The following TBPL1 variants were observed in gnomAD, a reference collection of about 807,000 sequenced individuals.
The protein encoded by TBPL1 is TATA box-binding protein-like 1.
Under a neutral mutation model 22.1 loss-of-function variants are expected in TBPL1, and 4 were observed. That is an observed-to-expected ratio of 0.18 (90% CI 0.09 to 0.41). The LOEUF is 0.41. TBPL1 is among the 10% of genes least tolerant of loss of function. The probability of loss-of-function intolerance (pLI) is 1.00; values close to 1 mark genes in which losing one functional copy is unlikely to be tolerated. For synonymous variants in TBPL1, 64 were observed against 71.0 expected (o/e 0.90, Z 0.50); for missense variants, 115 against 222.3 (o/e 0.52, Z 3.07).
At chr6:133,985,788 T>C (rs1776508572) in intron 6 of TBPL1, 1 of 152,170 alleles carries the variant, frequency 6.6e-6, no homozygotes, top group South Asian at 2.1e-4. Flanking sequence ...GGTTTTTCCA[T>C]CTTCCTTGGG....
In TBPL1 at chr6:133,987,176, C is replaced by T. The variant is rs1776542746; in HGVS notation, c.*136C>T. The T allele has an allele frequency of 2.0e-6, 1 of 502,218 alleles. No individual in the cohort carries two copies. The highest frequency in any genetic ancestry group is 3.4e-6 in the Non-Finnish European group (1 of 293,042). The allele number at this position is 502,218 out of a possible 1,614,324, so 31.1% of individuals were successfully genotyped here. A position where few individuals can be genotyped will look rare whatever the true frequency, so the allele number is the denominator to read the frequency against. ...TTCATTCACGGCTACAGTGTAAGCT[C>T]CAGTCCCTTTGGATTTTATTCCAAA... On this transcript the variant is annotated 3_prime_UTR_variant, in exon 7 of 7. Coordinates refer to ENST00000237264, the MANE Select transcript of TBPL1 (RefSeq NM_004865.4).
chr6:133,964,986 T>G (rs1164395924), intron 1 of TBPL1, among the ~76,000 whole-genome samples: 1 of 152,230 alleles, frequency 6.6e-6, no homozygotes, highest in African/African-American at 2.4e-5. Flanking sequence ...GCTTCAAGTT[T>G]GAGCCCTGCA....
At chr6:133,954,936 A>G (rs146782374) in intron 1 of TBPL1, among the ~76,000 whole-genome samples, 1 of 152,232 alleles carries the variant, frequency 6.6e-6, no homozygotes, top group Non-Finnish European at 1.5e-5. Context: ...AGCTTTTAAT[A>G]TGGAATTGAG....
At chr6:133,982,395 T>C (rs1219926969) in intron 2 of TBPL1, among the ~76,000 whole-genome samples, 173 bp from the exon 3 acceptor site, 1 of 152,264 alleles carries the variant, frequency 6.6e-6, no homozygotes, top group Non-Finnish European at 1.5e-5. Flanking sequence ...TGGATTAATA[T>C]GTTCTTTGTG....
intron 1 of TBPL1, among the ~76,000 whole-genome samples, chr6:133,971,892 CT>C (rs1776228764): frequency 6.6e-6 from 1 of 152,034 alleles, no homozygotes; most frequent in South Asian, 2.1e-4. Flanking sequence ...GCTTTTCACC[CT>C]GTTAATAGTT....
At chr6:133,969,251 CTTTTTTTTTTTT>C (rs536421364) in intron 1 of TBPL1, among the ~76,000 whole-genome samples, 1 of 122,608 alleles carries the variant, frequency 8.2e-6, no homozygotes, top group African/African-American at 3.1e-5. Context: ...ATAAAATACA[CTTTTTTTTTTTT>C]TTTTTTTTTT....
rs946007830 is a variant in TBPL1, at chr6:133,988,211, A to G, written c.*1171A>G. On this transcript the variant is annotated 3_prime_UTR_variant, in exon 7 of 7. Transcript: ENST00000237264. ...TATTTAATGGAGTTAAAGAGTGACT[A>G]TTCAGTATATGAGATTGCTACTCTT... 1 of 152,198 alleles carries G rather than the reference A, an allele frequency of 6.6e-6. No individual in the cohort carries two copies. Among genetic ancestry groups the G allele is most frequent in the African/African-American group, 2.4e-5 (1 of 41,456 alleles). 9.4% of individuals were successfully genotyped at this position (152,198 alleles called of 1,614,324 possible). A position where few individuals can be genotyped will look rare whatever the true frequency, so the allele number is the denominator to read the frequency against.
chr6:133,986,246 A>G (rs926368796), intron 6 of TBPL1, among the ~76,000 whole-genome samples: 2 of 152,154 alleles, frequency 1.3e-5, no homozygotes, highest in Non-Finnish European at 2.9e-5. Context: ...AAAAGAGGTT[A>G]AGTGTGTATT....
chr6:133,984,524 A>T, intron 5 of TBPL1, 45 bp downstream of exon 5: 1 of 1,610,082 alleles, frequency 6.2e-7, no homozygotes, highest in South Asian at 1.1e-5. Flanking sequence ...CCAAATTTGA[A>T]ATTACTAGTC....
chr6:133,965,989 T>A (rs1300702079), intron 1 of TBPL1, among the ~76,000 whole-genome samples: 1 of 152,200 alleles, frequency 6.6e-6, no homozygotes, highest in Non-Finnish European at 1.5e-5. Flanking sequence ...GGTGTTAACT[T>A]ACCCACAGTC....
intron 1 of TBPL1, among the ~76,000 whole-genome samples, chr6:133,979,147 A>T (rs1776365840): frequency 6.6e-6 from 1 of 152,188 alleles, no homozygotes; most frequent in African/African-American, 2.4e-5. Context: ...CTCCTCCTGT[A>T]CACCCAAGTT....
Position 133,987,648 on chromosome 6 carries a change from G to GTGTGTGTA in TBPL1, c.*609_*610insGTGTGTAT, listed in dbSNP as rs200249148. The GTGTGTGTA allele has an allele frequency of 2.3e-5, 2 of 88,320 alleles. No individual in the cohort carries two copies. The highest frequency in any genetic ancestry group is 1.1e-4 in the Admixed American group (1 of 9,426). 5.5% of individuals were successfully genotyped at this position (88,320 alleles called of 1,614,324 possible). A position where few individuals can be genotyped will look rare whatever the true frequency, so the allele number is the denominator to read the frequency against. ...TTTGTGTGTGTGTGTGTGTGTGTGT[G>GTGTGTGTA]TATATATATATATATATATGCACCA... is the stretch of plus-strand genomic sequence containing the variant. On this transcript the variant is annotated 3_prime_UTR_variant, in exon 7 of 7. Transcript: ENST00000237264.
At chr6:133,959,644 G>T (rs1250615846) in intron 1 of TBPL1, among the ~76,000 whole-genome samples, 2 of 151,948 alleles carry the variant, frequency 1.3e-5, no homozygotes, top group African/African-American at 2.4e-5. Flanking sequence ...ACCACACCTG[G>T]CCATTTTTTT....
chr6:133,986,863 C>A, intron 6 of TBPL1, 98 bp from the exon 7 acceptor site: 1 of 758,564 alleles, frequency 1.3e-6, no homozygotes. Context: ...ACTTGATATT[C>A]TATACCACTT....
At chr6:133,960,418 C>CTTTTTTTTTTTT (rs765884620) in intron 1 of TBPL1, among the ~76,000 whole-genome samples, 1 of 131,594 alleles carries the variant, frequency 7.6e-6, no homozygotes, top group African/African-American at 2.8e-5. Flanking sequence ...GCTGACCAGC[C>CTTTTTTTTTTTT]TTTTTTTTTT....
intron 1 of TBPL1, among the ~76,000 whole-genome samples, chr6:133,955,915 G>T (rs1204764851): frequency 1.3e-5 from 2 of 152,136 alleles, no homozygotes; most frequent in Non-Finnish European, 2.9e-5. Context: ...CATTTGTGTG[G>T]ATGAACACAT....
intron 1 of TBPL1, among the ~76,000 whole-genome samples, chr6:133,967,338 C>T (rs538853258): frequency 4.3e-4 from 66 of 152,092 alleles, no homozygotes; most frequent in Non-Finnish European, 5.9e-4. Context: ...TTAGATTAAG[C>T]GGGCAAAAGG....
At chr6:133,985,274 T>C (rs1294661222) in intron 6 of TBPL1, among the ~76,000 whole-genome samples, 1 of 29,258 alleles carries the variant, frequency 3.4e-5, no homozygotes. Context: ...TGAGACTCTG[T>C]CTAAAAAAAA....
At position 133,964,833 on chromosome 6, in the gene TBPL1, T is replaced by C. The variant is rs993455173; in HGVS notation, c.-45+11408T>C. 2.0e-5 allele frequency among the ~76,000 whole-genome samples: 3 copies of C among 152,304 alleles called. No individual in the cohort carries two copies. The South Asian group carries it at 6.2e-4, about 32-fold the overall frequency. ...TGGCATTTGTGCATGACATAGACCT[T>C]AAACAGGTTGTCTATGCTAGAGCAT... On this transcript the variant is annotated intron_variant, in intron 1 of 6. Transcript: ENST00000237264.
Sources: gnomAD v4.1 joint callset for allele counts (sites outside exome capture counted in the v4.1 genomes callset) on GRCh38, gnomAD v4.1.1 for gene constraint, MANE v1.5 for transcripts, NCBI Gene and HGNC (gene_info 2026-07-23, HGNC 2026-07-21) for gene names.